NEK10: variants seen among roughly 807,000 people sequenced by gnomAD.
The protein encoded by NEK10 is serine/threonine-protein kinase Nek10.
A neutral mutation model predicts 159.8 loss-of-function variants in NEK10; 122 were observed. That is an observed-to-expected ratio of 0.76 (90% confidence interval 0.66 to 0.89). The LOEUF is 0.89. NEK10 is among the 40% of genes least tolerant of loss of function. NEK10 has a pLI of 0.00. For synonymous variants in NEK10, 466 were observed against 457.1 expected (o/e 1.02, Z -0.25); for missense variants, 1,342 against 1,323.1 (o/e 1.01, Z -0.22).
chr3:27,330,539 G>A (rs116622801), intron 5 of NEK10, among the ~76,000 whole-genome samples: 1 of 152,164 alleles, frequency 6.6e-6, no homozygotes, highest in Admixed American at 6.6e-5. Context: ...TAATATAGCT[G>A]TTTCTAAGGG....
intron 30 of NEK10, 61 bp downstream of exon 30, chr3:27,162,640 A>G (rs1471772483): frequency 6.2e-7 from 1 of 1,614,128 alleles, no homozygotes; most frequent in African/African-American, 1.3e-5. Flanking sequence ...AAACTGTAAC[A>G]TAAATTACAT....
chr3:27,195,154 A>G (rs1426965086), intron 25 of NEK10, among the ~76,000 whole-genome samples: 1 of 152,222 alleles, frequency 6.6e-6, no homozygotes, highest in Non-Finnish European at 1.5e-5. Flanking sequence ...GAAACAATAT[A>G]ATTTTTAGGA....
At position 27,131,867 on chromosome 3, in the gene NEK10, T is replaced by C. The variant is rs1005793836; in HGVS notation, c.3081+13A>G. 1.4e-6 allele frequency: 2 copies of C among 1,434,000 alleles called. No individual in the cohort carries two copies. Among genetic ancestry groups the C allele is most frequent in the Non-Finnish European group, 9.8e-7 (1 of 1,020,782 alleles). 88.8% of individuals were successfully genotyped at this position (1,434,000 alleles called of 1,614,324 possible). A position where few individuals can be genotyped will look rare whatever the true frequency, so the allele number is the denominator to read the frequency against. On this transcript the variant is annotated intron_variant, in intron 32 of 35. Coordinates refer to ENST00000691995, the MANE Select transcript of NEK10 (RefSeq NM_001394966.1). Reference sequence around the variant, plus strand: ...TTGTCAGCAAAAGAATTCCTATATATAGAATACCATACCTTTTTAATTTCA... The same window carrying C: ...TTGTCAGCAAAAGAATTCCTATATACAGAATACCATACCTTTTTAATTTCA...
intron 23 of NEK10, among the ~76,000 whole-genome samples, chr3:27,237,902 CTG>C (rs1954115612): frequency 6.6e-6 from 1 of 152,146 alleles, no homozygotes; most frequent in Non-Finnish European, 1.5e-5. Flanking sequence ...ATAAAAAGGG[CTG>C]TGTCACCAAT....
chr3:27,173,487 C>T (rs191719148), intron 28 of NEK10, among the ~76,000 whole-genome samples: 7 of 152,238 alleles, frequency 4.6e-5, no homozygotes, highest in South Asian at 2.1e-4. Context: ...CAGGGATCTA[C>T]GGAGAAAATA....
At chr3:27,222,271 G>A (rs1358574500) in intron 23 of NEK10, among the ~76,000 whole-genome samples, 1 of 152,184 alleles carries the variant, frequency 6.6e-6, no homozygotes, top group Non-Finnish European at 1.5e-5. Context: ...TACTCTGGAG[G>A]CTGAGACGGG....
chr3:27,170,144 G>A (rs1010833939), intron 29 of NEK10, among the ~76,000 whole-genome samples: 6 of 152,106 alleles, frequency 3.9e-5, no homozygotes, highest in African/African-American at 1.4e-4. Flanking sequence ...TCCTTTGCTT[G>A]TATCCAAAAA....
intron 23 of NEK10, among the ~76,000 whole-genome samples, chr3:27,254,400 C>T (rs1955965898): frequency 6.6e-6 from 1 of 152,186 alleles, no homozygotes; most frequent in South Asian, 2.1e-4. Context: ...CACCACTCTC[C>T]TAATAGTGTT....
At chr3:27,214,747 C>T (rs1951338566) in intron 23 of NEK10, 3 of 753,004 alleles carry the variant, frequency 4.0e-6, no homozygotes, top group South Asian at 2.7e-5. Flanking sequence ...GAGGAATAAA[C>T]ATAATTTCTC....
chr3:27,244,656 C>A (rs929257110), intron 23 of NEK10, among the ~76,000 whole-genome samples: 3 of 152,268 alleles, frequency 2.0e-5, no homozygotes, highest in East Asian at 1.9e-4. Flanking sequence ...GCCTGGTGAT[C>A]ATTTTTCTTC....
chr3:27,282,893 A>G (rs1025938054), intron 22 of NEK10, among the ~76,000 whole-genome samples: 1 of 151,758 alleles, frequency 6.6e-6, no homozygotes, highest in African/African-American at 2.4e-5. Context: ...AGAAAACATA[A>G]AAAGCCTAAG....
At chr3:27,231,213 C>T (rs1224892306) in intron 23 of NEK10, among the ~76,000 whole-genome samples, 1 of 151,802 alleles carries the variant, frequency 6.6e-6, no homozygotes, top group East Asian at 1.9e-4. Flanking sequence ...AAAAGGAACC[C>T]TCCAAATCAA....
intron 30 of NEK10, among the ~76,000 whole-genome samples, chr3:27,153,176 C>T (rs554003031): frequency 7.8e-4 from 119 of 152,028 alleles, no homozygotes; most frequent in African/African-American, 2.8e-3. Context: ...AAAAATTAGC[C>T]GGGCATGGTA....
At chr3:27,364,765 G>A (rs900982569) in intron 1 of NEK10, among the ~76,000 whole-genome samples, 2 of 152,150 alleles carry the variant, frequency 1.3e-5, no homozygotes. Context: ...AAGAAACTGA[G>A]GCACTAAAAT....
chr3:27,327,463 C>G (rs1326050555), intron 5 of NEK10, among the ~76,000 whole-genome samples: 1 of 152,176 alleles, frequency 6.6e-6, no homozygotes, highest in Non-Finnish European at 1.5e-5. Context: ...TCCGTGACCA[C>G]CTGCCATTCT....
chr3:27,273,241 A>C (rs1015440716), intron 22 of NEK10, among the ~76,000 whole-genome samples: 1 of 152,184 alleles, frequency 6.6e-6, no homozygotes, highest in African/African-American at 2.4e-5. Flanking sequence ...AATTGCCCAA[A>C]TTAAAATGTC....
Position 27,106,884 on chromosome 3 carries a change from A to G in NEK10, c.*4388T>C, listed in dbSNP as rs1939035735. ...TGTTTAGGAGAAAGAAAGGTAAGCT[A>G]TTTCCAAATGACAGCATTTAAACAG... On this transcript the variant is annotated 3_prime_UTR_variant, in exon 36 of 36. Coordinates refer to ENST00000691995, the MANE Select transcript of NEK10 (RefSeq NM_001394966.1). Among the ~76,000 whole-genome samples the G allele has an allele frequency of 6.6e-6, 1 of 152,220 alleles. No individual in the cohort carries two copies. The highest frequency in any genetic ancestry group is 1.5e-5 in the Non-Finnish European group (1 of 68,032).
In NEK10 at chr3:27,272,928, C is replaced by T. The variant is rs115271376; in HGVS notation, c.2014+11674G>A. Among the ~76,000 whole-genome samples, 1,338 of 152,290 alleles carry T rather than the reference C, an allele frequency of 8.8e-3. 24 individuals carry two copies. Among genetic ancestry groups the T allele is most frequent in the African/African-American group, 0.03 (1,243 of 41,560 alleles). On this transcript the variant is annotated intron_variant, in intron 22 of 35. Coordinates refer to ENST00000691995, the MANE Select transcript of NEK10 (RefSeq NM_001394966.1). ...AAGGTCACTCAGATTCTAATCTCTGCCCCCCAACTGCTTCCTAACCTTCCC... is the reference window on the plus strand; with the variant it reads ...AAGGTCACTCAGATTCTAATCTCTGTCCCCCAACTGCTTCCTAACCTTCCC...
At chr3:27,281,750 A>G (rs1335845856) in intron 22 of NEK10, among the ~76,000 whole-genome samples, 1 of 152,156 alleles carries the variant, frequency 6.6e-6, no homozygotes, top group East Asian at 1.9e-4. Context: ...AAGACCAACA[A>G]ACAATAGTTC....
Sources: gnomAD v4.1 joint callset for allele counts (sites outside exome capture counted in the v4.1 genomes callset) on GRCh38, gnomAD v4.1.1 for gene constraint, MANE v1.5 for transcripts, NCBI Gene and HGNC (gene_info 2026-07-23, HGNC 2026-07-21) for gene names.